ACSL1: variants seen among roughly 807,000 people sequenced by gnomAD.
ACSL1 encodes the protein long-chain-fatty-acid--CoA ligase 1.
A neutral mutation model predicts 98.4 loss-of-function variants in ACSL1; 41 were observed. That is an observed-to-expected ratio of 0.42 (90% CI 0.32 to 0.54). ACSL1 has a LOEUF of 0.54. ACSL1 is among the 20% of genes least tolerant of loss of function. ACSL1 has a pLI of 0.13. For synonymous variants in ACSL1, 316 were observed against 322.7 expected, an observed-to-expected ratio of 0.98 and a Z score of 0.22; for missense variants, 734 against 883.1, an observed-to-expected ratio of 0.83 and a Z score of 2.14.
intron 1 of ACSL1, among the ~76,000 whole-genome samples, chr4:184,816,196 C>A (rs529460716): frequency 9.2e-5 from 14 of 152,014 alleles, no homozygotes; most frequent in Middle Eastern, 3.4e-3. Context: ...CTGGACGCAG[C>A]CTGCAAAAAA....
At chr4:184,777,845 C>G (rs905019602) in intron 5 of ACSL1, among the ~76,000 whole-genome samples, 13 of 151,976 alleles carry the variant, frequency 8.6e-5, no homozygotes, top group Non-Finnish European at 1.6e-4. Context: ...ATGGCAGGAT[C>G]AAAAGCAGGG....
At position 184,777,119 on chromosome 4, in the gene ACSL1, G is replaced by C. The variant is rs543360980; in HGVS notation, c.478-136C>G. 29 of 725,976 alleles carry C rather than the reference G, an allele frequency of 4.0e-5. No individual in the cohort carries two copies. In the South Asian group the frequency reaches 4.7e-4, roughly 12 times the overall value. The allele number at this position is 725,976 out of a possible 1,614,324, so 45.0% of individuals were successfully genotyped here. A position where few individuals can be genotyped will look rare whatever the true frequency, so the allele number is the denominator to read the frequency against. ...TAACATCTGTGTTAGCTACTACTCT[G>C]TGCCAGGTGCTATAAGGGATTCAGA... On this transcript the variant is annotated intron_variant, in intron 5 of 20. Transcript: ENST00000281455.
rs887250812 is a variant in ACSL1 at position 184,825,590 on chromosome 4, C to G, written c.-33+326G>C. Among the ~76,000 whole-genome samples the G allele has an allele frequency of 1.3e-5, 2 of 151,224 alleles. No individual in the cohort carries two copies. The highest frequency in any genetic ancestry group is 4.8e-5 in the African/African-American group (2 of 41,350). ...GCGGCCTCCGGCTGCTTCGCCGGGC[C>G]GGTCCCCGCCGCCGCACACACAAGG... is the stretch of plus-strand genomic sequence containing the variant. On this transcript the variant is annotated intron_variant, in intron 1 of 20. Transcript: ENST00000281455. This position sits in a 1 kb window ranked among gnomAD's most constrained non-coding sequence, Gnocchi z 4.7.
At position 184,812,174 on chromosome 4, in the gene ACSL1, A is replaced by G; in HGVS notation, c.-32-8628T>C. On this transcript the variant is annotated intron_variant, in intron 1 of 20. Transcript: ENST00000281455. ...CTTACACTTACAGCGAATGGTACTT[A>G]GTACCTATGTAGATGCTTCTTCCTC... 14 of 984,584 alleles carry G rather than the reference A, an allele frequency of 1.4e-5. 1 individual carries two copies. The highest frequency in any genetic ancestry group is 1.7e-5 in the Non-Finnish European group (14 of 829,134). 61.0% of individuals were successfully genotyped at this position (984,584 alleles called of 1,614,324 possible).
rs6825554 is a variant in ACSL1 at position 184,760,321 on chromosome 4, G to A, written c.1782+36C>T. 15 of 1,611,190 alleles carry A rather than the reference G, an allele frequency of 9.3e-6. No homozygotes were observed. In the South Asian group the frequency reaches 1.3e-4, roughly 14 times the overall value. ...CTGGAGTACCAGGCAATGGCAATGTGTATGCAGCAAGATTCAAGACCCAGA... is the reference window on the plus strand; with the variant it reads ...CTGGAGTACCAGGCAATGGCAATGTATATGCAGCAAGATTCAAGACCCAGA... On this transcript the variant is annotated intron_variant, in intron 18 of 20. Coordinates refer to ENST00000281455, the MANE Select transcript of ACSL1 (RefSeq NM_001995.5).
intron 1 of ACSL1, among the ~76,000 whole-genome samples, chr4:184,824,498 G>A (rs114293757): frequency 6.6e-6 from 1 of 152,138 alleles, no homozygotes; most frequent in Non-Finnish European, 1.5e-5. Flanking sequence ...TGTTTTAAAG[G>A]GGAGAGGTAT....
intron 15 of ACSL1, among the ~76,000 whole-genome samples, chr4:184,763,526 A>G (rs1763153369): frequency 6.6e-6 from 1 of 152,170 alleles, no homozygotes; most frequent in Admixed American, 6.5e-5. Flanking sequence ...AGGTTCCTAC[A>G]AACACCTGGA....
chr4:184,818,379 C>A (rs1772798293), intron 1 of ACSL1, among the ~76,000 whole-genome samples: 1 of 152,198 alleles, frequency 6.6e-6, no homozygotes, highest in South Asian at 2.1e-4. Context: ...ACAAGTGAAA[C>A]TACACGGAAA....
In ACSL1 at chr4:184,801,342, T is replaced by C. The variant is rs368128067; in HGVS notation, c.195+1978A>G. ...AAACTTTATTGGACAAGGAGGGTGA[T>C]AAAAACTGTGCATGTGAGATGGGGG... On this transcript the variant is annotated intron_variant, in intron 2 of 20. Coordinates refer to ENST00000281455, the MANE Select transcript of ACSL1 (RefSeq NM_001995.5). Among the ~76,000 whole-genome samples the C allele has an allele frequency of 4.6e-5, 7 of 152,270 alleles. 1 individual carries two copies. In the South Asian group the frequency reaches 1.0e-3, roughly 23 times the overall value.
chr4:184,776,804 A>G, intron 6 of ACSL1, 80 bp downstream of exon 6: 1 of 1,533,696 alleles, frequency 6.5e-7, no homozygotes, highest in Non-Finnish European at 8.9e-7. Context: ...ATCTTTGTCA[A>G]ATCAAATGTA....
intron 1 of ACSL1, among the ~76,000 whole-genome samples, chr4:184,804,260 GAA>G: frequency 6.6e-6 from 1 of 152,306 alleles, no homozygotes; most frequent in East Asian, 1.9e-4. Context: ...CACAGTGTTG[GAA>G]AGAAAGTACA....
rs1243331718 is a variant in ACSL1 at position 184,825,711 on chromosome 4, A to G, written c.-33+205T>C. ...AGCTGCGGCAGCACGGGCACCCCGG[A>G]GGCCTCCGGCTGCCGAGGGAAGCGG... On this transcript the variant is annotated intron_variant, in intron 1 of 20. Transcript: ENST00000281455. This position sits in a 1 kb window ranked among gnomAD's most constrained non-coding sequence, Gnocchi z 4.7. Among the ~76,000 whole-genome samples, 1 of 149,536 alleles carries G rather than the reference A, an allele frequency of 6.7e-6. No individual in the cohort carries two copies. The highest frequency in any genetic ancestry group is 1.5e-5 in the Non-Finnish European group (1 of 66,954).
At chr4:184,781,291 T>C (rs752136525) in intron 4 of ACSL1, among the ~76,000 whole-genome samples, 8 of 147,698 alleles carry the variant, frequency 5.4e-5, no homozygotes, top group Non-Finnish European at 6.0e-5. Flanking sequence ...TTCAAAATTA[T>C]TGCATCAAAA....
intron 14 of ACSL1, 27 bp from the exon 15 acceptor site, chr4:184,764,952 T>G (rs1338598971): frequency 6.2e-7 from 1 of 1,606,864 alleles, no homozygotes; most frequent in Non-Finnish European, 8.5e-7. Flanking sequence ...TGCAACATTA[T>G]TAAGGAGAGC....
chr4:184,772,736 A>C (rs889169356), intron 10 of ACSL1, among the ~76,000 whole-genome samples: 6 of 152,246 alleles, frequency 3.9e-5, no homozygotes, highest in Non-Finnish European at 8.8e-5. Context: ...ATTATTTCCC[A>C]AATACAGGGA....
chr4:184,793,493 G>T (rs935394537), intron 2 of ACSL1, among the ~76,000 whole-genome samples: 1 of 152,194 alleles, frequency 6.6e-6, no homozygotes, highest in African/African-American at 2.4e-5. Context: ...AAATGATGCC[G>T]TTGAGGATTT....
chr4:184,781,519 C>T (rs1255452069), intron 4 of ACSL1, among the ~76,000 whole-genome samples: 1 of 152,128 alleles, frequency 6.6e-6, no homozygotes, highest in African/African-American at 2.4e-5. Context: ...ATCCTATCCT[C>T]TCCCTGTTCC....
intron 2 of ACSL1, among the ~76,000 whole-genome samples, chr4:184,790,112 C>T (rs986359721): frequency 1.3e-5 from 2 of 152,038 alleles, no homozygotes; most frequent in Non-Finnish European, 2.9e-5. Context: ...TGAGGAGGGC[C>T]GCGCTGAGGA....
chr4:184,812,457 C>CA (rs1401149330), intron 1 of ACSL1, among the ~76,000 whole-genome samples: 1 of 152,132 alleles, frequency 6.6e-6, no homozygotes, highest in Non-Finnish European at 1.5e-5. Context: ...TTCTACCCGC[C>CA]ACCAGACTCC....
Sources: gnomAD v4.1 joint callset for allele counts (sites outside exome capture counted in the v4.1 genomes callset) on GRCh38, gnomAD v4.1.1 for gene constraint, Gnocchi (gnomAD v3.1) non-coding constraint, MANE v1.5 for transcripts, NCBI Gene and HGNC (gene_info 2026-07-23, HGNC 2026-07-21) for gene names.